The following PDE8B variants were observed in gnomAD, a reference collection of about 807,000 sequenced individuals.
The protein encoded by PDE8B is high affinity cAMP-specific and IBMX-insensitive 3',5'-cyclic phosphodiesterase 8B.
Under a neutral mutation model 101.3 loss-of-function variants are expected in PDE8B, and 26 were observed. The observed-to-expected ratio is 0.26, with a 90% confidence interval of 0.19 to 0.36. The LOEUF (loss-of-function observed/expected upper bound fraction) is 0.36. PDE8B is among the 10% of genes least tolerant of loss of function. PDE8B has a pLI of 1.00. For missense variants in PDE8B, 810 were observed against 1,163.1 expected, an observed-to-expected ratio of 0.70 and a Z score of 4.42; for synonymous variants, 424 against 429.3, an observed-to-expected ratio of 0.99 and a Z score of 0.15.
chr5:77,418,538 T>C lies in PDE8B; in HGVS notation c.2129+92T>C, dbSNP rs564312358. Reference sequence around the variant, plus strand: ...TTCCTCTTAGGGGAAAGGGAAAATATTAGCTGTCCCACTGTACCAGATGAT... The same window carrying C: ...TTCCTCTTAGGGGAAAGGGAAAATACTAGCTGTCCCACTGTACCAGATGAT... On this transcript the variant is annotated intron_variant, in intron 18 of 21. Transcript: ENST00000264917. The C allele has an allele frequency of 3.5e-6, 3 of 868,400 alleles. No homozygotes were observed. The East Asian group carries it at 7.9e-5, about 23-fold the overall frequency. 53.8% of individuals were successfully genotyped at this position (868,400 alleles called of 1,614,324 possible).
chr5:77,262,842 A>G (rs1760908114), intron 1 of PDE8B, among the ~76,000 whole-genome samples: 1 of 152,214 alleles, frequency 6.6e-6, no homozygotes, highest in Non-Finnish European at 1.5e-5. Context: ...TGCTTTGTTT[A>G]GGACTGGGAG....
chr5:77,225,689 C>T (rs946909440), intron 1 of PDE8B, among the ~76,000 whole-genome samples: 4 of 152,044 alleles, frequency 2.6e-5, no homozygotes, highest in Non-Finnish European at 5.9e-5. Flanking sequence ...AAAAATGTAC[C>T]GTGAGTGTAT....
the PDE8B span, among the ~76,000 whole-genome samples, chr5:77,121,377 G>A: frequency 0.013 from 2,053 of 152,222 alleles, 49 homozygotes; most frequent in African/African-American, 0.045. Flanking sequence ...TGATTATGGG[G>A]GGAGGAAAAA....
the PDE8B span, among the ~76,000 whole-genome samples, chr5:77,153,435 A>G: frequency 6.6e-6 from 1 of 152,166 alleles, no homozygotes; most frequent in African/African-American, 2.4e-5. Flanking sequence ...TTGTTATAAC[A>G]TGGTCACTTC....
chr5:77,425,135 G>A (rs915456739), intron 20 of PDE8B, among the ~76,000 whole-genome samples: 3 of 152,342 alleles, frequency 2.0e-5, no homozygotes, highest in Non-Finnish European at 2.9e-5. Context: ...AATGTCAGTA[G>A]TTTTGGTATG....
intron 9 of PDE8B, among the ~76,000 whole-genome samples, 191 bp downstream of exon 9, chr5:77,351,344 GA>G (rs1385412303): frequency 6.6e-6 from 1 of 152,182 alleles, no homozygotes; most frequent in Non-Finnish European, 1.5e-5. Flanking sequence ...TGTCTTTTAT[GA>G]AGCATCACCC....
chr5:77,330,742 A>G (rs1776960912), intron 4 of PDE8B, among the ~76,000 whole-genome samples: 2 of 151,838 alleles, frequency 1.3e-5, no homozygotes. Context: ...CTGTTTCTCT[A>G]TCTTGGTGAT....
At chr5:77,347,074 C>A (rs193210083) in intron 7 of PDE8B, among the ~76,000 whole-genome samples, 70 of 152,330 alleles carry the variant, frequency 4.6e-4, no homozygotes, top group African/African-American at 1.6e-3. Flanking sequence ...TCCACCCATC[C>A]ATTCCTCCCT....
Position 77,358,900 on chromosome 5 carries a change from AT to A in PDE8B, c.1167+5497del, listed in dbSNP as rs560985779. On this transcript the variant is annotated intron_variant, in intron 10 of 21. Transcript: ENST00000264917. The stretch of plus-strand genomic sequence containing the variant: ...TGTGCCCCAAAATATTTATTGACAT[AT>A]TTGGTAAAGCCACAAGGTAAACAAA... Among the ~76,000 whole-genome samples, 221 of 152,354 alleles carry A rather than the reference AT, an allele frequency of 1.5e-3. 2 individuals are homozygous for A. The highest frequency in any genetic ancestry group is 6.8e-3 in the Middle Eastern group (2 of 294).
chr5:77,136,028 CT>C, the PDE8B span, among the ~76,000 whole-genome samples: 1 of 152,124 alleles, frequency 6.6e-6, no homozygotes, highest in Non-Finnish European at 1.5e-5. Flanking sequence ...ACATCTTTGT[CT>C]TTCAGTTCTG....
At chr5:77,274,699 T>C (rs1271421485) in intron 1 of PDE8B, among the ~76,000 whole-genome samples, 1 of 152,198 alleles carries the variant, frequency 6.6e-6, no homozygotes, top group Non-Finnish European at 1.5e-5. Context: ...GGCACAGTGT[T>C]CACTGAGGAA....
Position 77,358,069 on chromosome 5 carries a change from G to A in PDE8B, c.1167+4663G>A, listed in dbSNP as rs142477256. On this transcript the variant is annotated intron_variant, in intron 10 of 21. Coordinates refer to ENST00000264917, the MANE Select transcript of PDE8B (RefSeq NM_003719.5). ...TCTCATCCCTTACCTTTCTAGGGGT[G>A]GTGTGGCCGATGGGCCTTCTCATGA... Among the ~76,000 whole-genome samples the A allele has an allele frequency of 4.3e-3, 659 of 152,268 alleles. 8 individuals carry two copies. Among genetic ancestry groups the A allele is most frequent in the African/African-American group, 0.015 (618 of 41,542 alleles).
chr5:77,267,258 G>A (rs1297449304), intron 1 of PDE8B, among the ~76,000 whole-genome samples: 4 of 151,928 alleles, frequency 2.6e-5, no homozygotes. Flanking sequence ...GCTAAGGCGG[G>A]GAAACCCCAT....
At chr5:77,255,870 C>T (rs999593381) in intron 1 of PDE8B, among the ~76,000 whole-genome samples, 2 of 152,208 alleles carry the variant, frequency 1.3e-5, no homozygotes, top group African/African-American at 4.8e-5. Context: ...TTGGAAGCTG[C>T]CAGTTCACTG....
At chr5:77,284,248 C>T (rs1765560134) in intron 1 of PDE8B, among the ~76,000 whole-genome samples, 1 of 152,032 alleles carries the variant, frequency 6.6e-6, no homozygotes, top group African/African-American at 2.4e-5. Flanking sequence ...AATAATTTTC[C>T]AAATATTTTC....
At chr5:77,425,728 G>C (rs201152493) in intron 20 of PDE8B, 39 bp from the exon 21 acceptor site, 1 of 1,606,808 alleles carries the variant, frequency 6.2e-7, no homozygotes, top group Admixed American at 1.7e-5. Context: ...AAAGTGTCTC[G>C]CATGTCCTCC....
At chr5:77,090,771 A>G in the PDE8B span, among the ~76,000 whole-genome samples, 11 of 151,744 alleles carry the variant, frequency 7.2e-5, no homozygotes, top group South Asian at 1.2e-3. Context: ...GTGTGTGTGT[A>G]TGTGTGAATA....
At chr5:77,290,588 G>C in intron 1 of PDE8B, 1 of 1,504,614 alleles carries the variant, frequency 6.6e-7, no homozygotes, top group South Asian at 1.1e-5. Context: ...TGTCTTTGGA[G>C]ATGGGGAAAA....
chr5:77,121,873 T>A, the PDE8B span, among the ~76,000 whole-genome samples: 1 of 152,206 alleles, frequency 6.6e-6, no homozygotes, highest in African/African-American at 2.4e-5. Flanking sequence ...ACAACAGATT[T>A]CCATTACGTT....
Sources: gnomAD v4.1 joint callset for allele counts (sites outside exome capture counted in the v4.1 genomes callset) on GRCh38, gnomAD v4.1.1 for gene constraint, MANE v1.5 for transcripts, NCBI Gene and HGNC (gene_info 2026-07-23, HGNC 2026-07-21) for gene names.